The following CCDC85A variants were observed in gnomAD, a reference collection of about 807,000 sequenced individuals.
CCDC85A encodes coiled-coil domain-containing protein 85A.
A neutral mutation model predicts 50.2 loss-of-function variants in CCDC85A; 38 were observed. The observed-to-expected ratio is 0.76, with a 90% CI of 0.58 to 0.99. The LOEUF (loss-of-function observed/expected upper bound fraction) is 0.99, where lower values mean the gene tolerates loss of function less well. CCDC85A is among the 50% of genes least tolerant of loss of function. The pLI is 0.00. For missense variants in CCDC85A, 820 were observed against 742.0 expected, an observed-to-expected ratio of 1.11 and a Z score of -1.22; for synonymous variants, 366 against 301.4, an observed-to-expected ratio of 1.21 and a Z score of -2.22.
chr2:56,260,258 A>G (rs1161873934), intron 2 of CCDC85A, among the ~76,000 whole-genome samples: 1 of 152,124 alleles, frequency 6.6e-6, no homozygotes, highest in African/African-American at 2.4e-5. Context: ...CTGAAACACC[A>G]TTGGTCTCCT....
intron 2 of CCDC85A, among the ~76,000 whole-genome samples, chr2:56,299,417 C>T (rs1056465728): frequency 6.6e-6 from 1 of 152,192 alleles, no homozygotes; most frequent in Non-Finnish European, 1.5e-5. Context: ...TGCCTGGATG[C>T]ATCTGTGCTG....
At chr2:56,239,545 C>T (rs1356279285) in intron 2 of CCDC85A, among the ~76,000 whole-genome samples, 2 of 151,756 alleles carry the variant, frequency 1.3e-5, no homozygotes, top group Non-Finnish European at 2.9e-5. Context: ...ACAGCTCTGT[C>T]CTACACAGAG....
chr2:56,271,478 G>A (rs778971630), intron 2 of CCDC85A, among the ~76,000 whole-genome samples: 4 of 152,168 alleles, frequency 2.6e-5, no homozygotes, highest in South Asian at 2.1e-4. Context: ...TGTTATGCAA[G>A]CTGCTTGCTT....
chr2:56,293,146 A>G (rs997830746), intron 2 of CCDC85A, among the ~76,000 whole-genome samples: 3 of 152,200 alleles, frequency 2.0e-5, no homozygotes, highest in Non-Finnish European at 4.4e-5. Context: ...TGTGGCATGT[A>G]TTAGGTCCCG....
At chr2:56,342,984 G>C (rs747171876) in intron 3 of CCDC85A, 29 bp downstream of exon 3, 40 of 1,447,636 alleles carry the variant, frequency 2.8e-5, no homozygotes, top group Non-Finnish European at 3.7e-5. Flanking sequence ...CTCATAGCTA[G>C]TCAGTGCCAT....
chr2:56,184,134 C>G lies in CCDC85A; in HGVS notation c.-491C>G, dbSNP rs1158670475. On this transcript the variant is annotated 5_prime_UTR_variant, in exon 1 of 6. Transcript: ENST00000407595. ...GAGCAGCCGGGGAGGCGCCGCGGTG[C>G]CCGGCGCGCCCTCCAAGCTAGGAGA... is the stretch of plus-strand genomic sequence containing the variant. 1 of 985,518 alleles carries G rather than the reference C, an allele frequency of 1.0e-6. No homozygotes were observed. Among genetic ancestry groups the G allele is most frequent in the Admixed American group, 6.1e-5 (1 of 16,274 alleles). 61.0% of individuals were successfully genotyped at this position (985,518 alleles called of 1,614,324 possible).
chr2:56,223,084 G>A (rs1160390143), intron 2 of CCDC85A, among the ~76,000 whole-genome samples: 1 of 152,134 alleles, frequency 6.6e-6, no homozygotes, highest in African/African-American at 2.4e-5. Context: ...AAAGACAGTA[G>A]TCCACAAAGG....
At chr2:56,320,191 G>T (rs1673109904) in intron 2 of CCDC85A, among the ~76,000 whole-genome samples, 1 of 152,144 alleles carries the variant, frequency 6.6e-6, no homozygotes, top group Admixed American at 6.5e-5. Context: ...AAGGAGGAGA[G>T]ATCTAAAATT....
At chr2:56,239,698 G>C (rs1184529237) in intron 2 of CCDC85A, among the ~76,000 whole-genome samples, 25 of 152,132 alleles carry the variant, frequency 1.6e-4, no homozygotes. Flanking sequence ...CCAAAGTAAA[G>C]TTTATTTCTG....
At chr2:56,246,956 G>A (rs955631693) in intron 2 of CCDC85A, among the ~76,000 whole-genome samples, 6 of 152,178 alleles carry the variant, frequency 3.9e-5, no homozygotes, top group Non-Finnish European at 8.8e-5. Flanking sequence ...ATCCAAGTAT[G>A]TGTGAAGTTC....
intron 5 of CCDC85A, 39 bp from the exon 6 acceptor site, chr2:56,384,227 G>A (rs1246615628): frequency 4.5e-6 from 7 of 1,562,428 alleles, no homozygotes; most frequent in Non-Finnish European, 5.3e-6. Flanking sequence ...TTGTGAAAGA[G>A]GAAAAGTAAG....
intron 2 of CCDC85A, among the ~76,000 whole-genome samples, chr2:56,336,174 A>G (rs1388208466): frequency 1.3e-5 from 2 of 151,800 alleles, no homozygotes; most frequent in African/African-American, 4.8e-5. Context: ...ATTTTTTCAG[A>G]TGGAGTTTCA....
chr2:56,356,859 G>A (rs1294802611), intron 3 of CCDC85A, among the ~76,000 whole-genome samples: 1 of 151,746 alleles, frequency 6.6e-6, no homozygotes, highest in Non-Finnish European at 1.5e-5. Context: ...CACGAGGTCA[G>A]GAGATCAAGA....
At chr2:56,267,060 A>G (rs1386287381) in intron 2 of CCDC85A, among the ~76,000 whole-genome samples, 6 of 152,028 alleles carry the variant, frequency 3.9e-5, no homozygotes, top group Non-Finnish European at 5.9e-5. Context: ...TATACAATGT[A>G]GGGATAGTGT....
At chr2:56,311,592 A>AT (rs1295912674) in intron 2 of CCDC85A, among the ~76,000 whole-genome samples, 2 of 152,080 alleles carry the variant, frequency 1.3e-5, no homozygotes, top group African/African-American at 4.8e-5. Flanking sequence ...AGCATTAGGT[A>AT]TATCTCCTAA....
intron 4 of CCDC85A, among the ~76,000 whole-genome samples, chr2:56,374,635 T>A (rs1676244954): frequency 6.6e-6 from 1 of 152,012 alleles, no homozygotes; most frequent in South Asian, 2.1e-4. Context: ...ATAGCAAGAC[T>A]CTGTCTCTGT....
chr2:56,191,737 A>C (rs1014355990), intron 1 of CCDC85A, among the ~76,000 whole-genome samples: 1 of 152,154 alleles, frequency 6.6e-6, no homozygotes, highest in Non-Finnish European at 1.5e-5. Flanking sequence ...GATAAGTGAG[A>C]GATGCCTGGG....
At chr2:56,321,942 G>C (rs998287077) in intron 2 of CCDC85A, among the ~76,000 whole-genome samples, 4 of 152,164 alleles carry the variant, frequency 2.6e-5, no homozygotes, top group African/African-American at 9.7e-5. Flanking sequence ...TACCAAAACA[G>C]AGATATAGAC....
intron 2 of CCDC85A, among the ~76,000 whole-genome samples, chr2:56,271,280 A>G (rs139518836): frequency 6.6e-6 from 1 of 152,180 alleles, no homozygotes; most frequent in East Asian, 1.9e-4. Flanking sequence ...AACAGAGCAC[A>G]GGGGCAGGGT....
Sources: gnomAD v4.1 joint callset for allele counts (sites outside exome capture counted in the v4.1 genomes callset) on GRCh38, gnomAD v4.1.1 for gene constraint, MANE v1.5 for transcripts, NCBI Gene and HGNC (gene_info 2026-07-23, HGNC 2026-07-21) for gene names.